Variants in AGTPBP1 observed in about 807,000 individuals in gnomAD.
The protein encoded by AGTPBP1 is cytosolic carboxypeptidase 1.
AGTPBP1 carries 70 observed loss-of-function variants against 143.9 expected under a neutral mutation model. That is an observed-to-expected ratio of 0.49 (90% confidence interval 0.40 to 0.59). The LOEUF is 0.59. Among genes scored for constraint, AGTPBP1 ranks in the 20% least tolerant of loss-of-function variants. The pLI is 0.00. For synonymous variants in AGTPBP1, 463 were observed against 500.2 expected, an observed-to-expected ratio of 0.93 and a Z score of 0.99; for missense variants, 1,229 against 1,464.5, an observed-to-expected ratio of 0.84 and a Z score of 2.62.
upstream of AGTPBP1, among the ~76,000 whole-genome samples, chr9:85,742,360 C>G (rs922497076): frequency 8.6e-5 from 13 of 152,028 alleles, no homozygotes; most frequent in African/African-American, 3.1e-4. Context: ...GCGCCCACCC[C>G]CTCCCCCGCC....
intron 17 of AGTPBP1, among the ~76,000 whole-genome samples, chr9:85,604,588 C>T (rs1829877686): frequency 6.6e-6 from 1 of 152,140 alleles, no homozygotes; most frequent in Non-Finnish European, 1.5e-5. Flanking sequence ...TGAACATCCA[C>T]AAGCATCAAG....
At chr9:85,752,196 C>T in the AGTPBP1 span, among the ~76,000 whole-genome samples, 1 of 151,864 alleles carries the variant, frequency 6.6e-6, no homozygotes, top group African/African-American at 2.4e-5. Flanking sequence ...TGAGATTATG[C>T]TATTGCATAC....
At chr9:85,597,256 T>C (rs534866171) in intron 17 of AGTPBP1, among the ~76,000 whole-genome samples, 189 of 152,176 alleles carry the variant, frequency 1.2e-3, no homozygotes, top group African/African-American at 4.4e-3. Flanking sequence ...TTTTTGTATT[T>C]ATCTTAATAT....
chr9:85,564,860 C>T (rs1826978601), intron 25 of AGTPBP1, among the ~76,000 whole-genome samples: 1 of 152,066 alleles, frequency 6.6e-6, no homozygotes. Flanking sequence ...TTGGAATAAG[C>T]GAACATTTTG....
intron 1 of AGTPBP1, among the ~76,000 whole-genome samples, chr9:85,730,101 A>G (rs1348877136): frequency 6.6e-6 from 1 of 152,170 alleles, no homozygotes; most frequent in Non-Finnish European, 1.5e-5. Flanking sequence ...CAATTTCACA[A>G]TTAGACCAGA....
intron 6 of AGTPBP1, among the ~76,000 whole-genome samples, chr9:85,673,259 T>C (rs1156466291): frequency 6.6e-6 from 1 of 151,992 alleles, no homozygotes. Flanking sequence ...GGATGGAGGC[T>C]AGAGTAGCCC....
chr9:85,583,299 T>C (rs887655953), intron 23 of AGTPBP1, among the ~76,000 whole-genome samples: 1 of 152,204 alleles, frequency 6.6e-6, no homozygotes, highest in Non-Finnish European at 1.5e-5. Context: ...TAGGAACTAA[T>C]ATGATTATAA....
intron 8 of AGTPBP1, among the ~76,000 whole-genome samples, chr9:85,667,552 T>C (rs893489195): frequency 4.6e-5 from 7 of 152,120 alleles, no homozygotes; most frequent in Non-Finnish European, 7.4e-5. Context: ...TTCTAATGGG[T>C]AGATAACCTC....
the AGTPBP1 span, among the ~76,000 whole-genome samples, chr9:85,784,564 C>T: frequency 1.1e-4 from 16 of 152,306 alleles, no homozygotes; most frequent in East Asian, 2.9e-3. Context: ...TAAACCACTG[C>T]ACCCAGCTAG....
intron 1 of AGTPBP1, among the ~76,000 whole-genome samples, chr9:85,729,281 T>A (rs2134716202): frequency 6.6e-6 from 1 of 152,154 alleles, no homozygotes; most frequent in East Asian, 1.9e-4. Flanking sequence ...GAATGAACAA[T>A]ACATGGTAGA....
At chr9:85,797,844 T>G in the AGTPBP1 span, among the ~76,000 whole-genome samples, 2 of 152,156 alleles carry the variant, frequency 1.3e-5, no homozygotes, top group Non-Finnish European at 2.9e-5. Context: ...TTCTCTTTGT[T>G]TTCTGCTTTG....
intron 17 of AGTPBP1, among the ~76,000 whole-genome samples, chr9:85,601,095 C>G (rs1829638786): frequency 6.6e-6 from 1 of 152,172 alleles, no homozygotes; most frequent in African/African-American, 2.4e-5. Context: ...TGCAAACAGG[C>G]TCCCAGGTCC....
At chr9:85,610,261 A>G (rs1830235707) in intron 17 of AGTPBP1, among the ~76,000 whole-genome samples, 1 of 152,074 alleles carries the variant, frequency 6.6e-6, no homozygotes, top group African/African-American at 2.4e-5. Flanking sequence ...AAAATGCAAG[A>G]CTGCCATCTG....
chr9:85,650,563 A>G (rs1464081029), intron 11 of AGTPBP1, among the ~76,000 whole-genome samples: 1 of 152,210 alleles, frequency 6.6e-6, no homozygotes. Context: ...TCTGGTCAAC[A>G]GGTTACTAGT....
At chr9:85,692,542 G>A in intron 3 of AGTPBP1, 147 bp downstream of exon 3, 1 of 915,800 alleles carries the variant, frequency 1.1e-6, no homozygotes. Flanking sequence ...CCAAAGTGCT[G>A]GGATTACAGG....
the AGTPBP1 span, chr9:85,787,775 T>C: frequency 6.6e-6 from 1 of 152,236 alleles, no homozygotes; most frequent in Admixed American, 6.5e-5. Context: ...CTTAAACTAA[T>C]TAATGTTTGG....
chr9:85,559,339 T>C (rs1826549372), intron 25 of AGTPBP1, among the ~76,000 whole-genome samples: 1 of 152,034 alleles, frequency 6.6e-6, no homozygotes, highest in Non-Finnish European at 1.5e-5. Context: ...ACAGTGAGCA[T>C]TATTGAAAAG....
chr9:85,671,498 G>C (rs2134069561), intron 7 of AGTPBP1, among the ~76,000 whole-genome samples: 1 of 152,034 alleles, frequency 6.6e-6, no homozygotes, highest in South Asian at 2.1e-4. Context: ...TAAAGGTACT[G>C]ATATACACAC....
intron 14 of AGTPBP1, among the ~76,000 whole-genome samples, chr9:85,623,291 A>T (rs563551197): frequency 2.0e-5 from 3 of 152,274 alleles, no homozygotes; most frequent in Non-Finnish European, 4.4e-5. Context: ...GGTTTAAAAA[A>T]AAAAATGCCA....
Sources: allele counts gnomAD v4.1 joint callset (sites outside exome capture counted in the v4.1 genomes callset), GRCh38; gene constraint gnomAD v4.1.1; transcripts MANE v1.5; gene names NCBI Gene and HGNC (gene_info 2026-07-23, HGNC 2026-07-21).